Variants in PXN observed in about 807,000 individuals in gnomAD.
PXN encodes the protein paxillin, also known as testicular tissue protein Li 134.
In PXN, 61 loss-of-function variants were observed where a neutral mutation model predicts 103.6. That is an observed-to-expected ratio of 0.59 (90% CI 0.48 to 0.73). PXN has a LOEUF of 0.73. PXN is among the 30% of genes least tolerant of loss of function. The pLI, the probability that PXN is intolerant of heterozygous loss-of-function variation, is 0.00. For synonymous variants in PXN, 562 were observed against 607.8 expected (o/e 0.92, Z 1.11); for missense variants, 1,274 against 1,460.3 (o/e 0.87, Z 2.08).
chr12:120,258,432 G>C (rs550217679), intron 1 of PXN, among the ~76,000 whole-genome samples: 37 of 152,220 alleles, frequency 2.4e-4, no homozygotes, highest in African/African-American at 8.7e-4. Flanking sequence ...AGCAGTCACT[G>C]TCACCTGAGG....
At position 120,222,622 on chromosome 12, in the gene PXN, G is replaced by A. The variant is rs762252075; in HGVS notation, c.622C>T (p.Arg208Trp). The A allele has an allele frequency of 2.2e-5, 35 of 1,609,654 alleles. No individual in the cohort carries two copies. The South Asian group carries it at 2.9e-4, about 13-fold the overall frequency. The part of the protein sequence containing the change: ...TKEKPKRNGG[R>W]GLEDVRPSVE... ...CTGGGCCGCACGTCCTCCAGGCCCC[G>A]GCCCCCATTCCGCTTAGGCTTCTCT... is the stretch of plus-strand genomic sequence containing the variant. Residue 208 changes from arginine to tryptophan, a missense_variant, in exon 5 of 15, where the codon CGG becomes TGG. Arg to Trp is a moderately radical substitution (Grantham distance 101). Around this residue, in one of 2 missense-constraint regions of PXN, gnomAD observed 1,178 missense variants for 1,309.0 expected, o/e 0.90. Transcript: ENST00000637617. This position sits in a 1 kb window ranked among gnomAD's most constrained non-coding sequence, Gnocchi z 4.7.
rs749547410 is a variant in PXN, at chr12:120,212,542, C to T, written c.3018G>A (p.Glu1006=). The change falls in exon 15 of 15, where the codon GAG becomes GAA. Residue 1006 remains glutamate, a synonymous_variant. Transcript: ENST00000637617. This position sits in a 1 kb window ranked among gnomAD's most constrained non-coding sequence, Gnocchi z 7.2. ...FTPFVNGSFF[E]HDGQPYCEVH... ...CCTCACAGTAGGGCTGCCCGTCGTG[C>T]TCGAAGAAGCTGCCGTTCACGAATG... 40 of 1,613,310 alleles carry T rather than the reference C, an allele frequency of 2.5e-5. No individual in the cohort carries two copies. Among genetic ancestry groups the T allele is most frequent in the Admixed American group, 2.0e-4 (12 of 59,990 alleles).
chr12:120,263,795 C>A (rs1008521764), intron 1 of PXN, among the ~76,000 whole-genome samples: 2 of 152,156 alleles, frequency 1.3e-5, no homozygotes, highest in African/African-American at 4.8e-5. Context: ...GTTTCCTGGC[C>A]CTAAATGGAA....
At chr12:120,256,231 T>C (rs1259432532) in intron 1 of PXN, among the ~76,000 whole-genome samples, 2 of 151,780 alleles carry the variant, frequency 1.3e-5, no homozygotes, top group African/African-American at 4.8e-5. Flanking sequence ...AGAAACATAA[T>C]GAGACTCCGG....
intron 1 of PXN, among the ~76,000 whole-genome samples, chr12:120,233,348 C>G (rs1888426959): frequency 6.6e-6 from 1 of 152,122 alleles, no homozygotes; most frequent in South Asian, 2.1e-4. Flanking sequence ...GCTCTGTCAA[C>G]CAGGCTGGAG....
At chr12:120,246,903 CTGTAA>C (rs1891266056) in intron 1 of PXN, among the ~76,000 whole-genome samples, 1 of 151,530 alleles carries the variant, frequency 6.6e-6, no homozygotes. Flanking sequence ...TAGCATATGC[CTGTAA>C]TTCCAGCTAC....
chr12:120,224,453 T>G lies in PXN; in HGVS notation c.14-76A>C, dbSNP rs1426263242. The G allele has an allele frequency of 9.5e-7, 1 of 1,056,370 alleles. No individual in the cohort carries two copies. The highest frequency in any genetic ancestry group is 1.5e-6 in the Non-Finnish European group (1 of 675,608). The allele number at this position is 1,056,370 out of a possible 1,614,324, so 65.4% of individuals were successfully genotyped here. A position where few individuals can be genotyped will look rare whatever the true frequency, so the allele number is the denominator to read the frequency against. On this transcript the variant is annotated intron_variant, in intron 1 of 14. Coordinates refer to ENST00000637617, the MANE Select transcript of PXN (RefSeq NM_001385981.1). The surrounding 1 kb of genome is among the most constrained non-coding windows in gnomAD (Gnocchi z 5.0). ...CTCCCGTGGCAGGGCCCTCCCTGCC[T>G]GCACCTCAAGAGTTAATGCCTTCTA... is the stretch of plus-strand genomic sequence containing the variant.
intron 1 of PXN, among the ~76,000 whole-genome samples, chr12:120,232,245 T>A (rs79549992): frequency 6.6e-6 from 1 of 152,312 alleles, no homozygotes; most frequent in African/African-American, 2.4e-5. Context: ...GGTCTTGAAC[T>A]CCTGGCCTCA....
At chr12:120,251,135 G>A (rs921336087) in intron 1 of PXN, among the ~76,000 whole-genome samples, 2 of 152,064 alleles carry the variant, frequency 1.3e-5, no homozygotes, top group Non-Finnish European at 1.5e-5. Flanking sequence ...AACCCAGGAG[G>A]TGGAGGTTGC....
chr12:120,234,956 T>C (rs191648385), intron 1 of PXN, among the ~76,000 whole-genome samples: 1 of 152,230 alleles, frequency 6.6e-6, no homozygotes, highest in East Asian at 1.9e-4. Context: ...AACTCAGCCT[T>C]CTTGCTGAGC....
Position 120,224,985 on chromosome 12 carries a change from C to G in PXN, c.14-608G>C, listed in dbSNP as rs1886434465. On this transcript the variant is annotated intron_variant, in intron 1 of 14. Coordinates refer to ENST00000637617, the MANE Select transcript of PXN (RefSeq NM_001385981.1). This position sits in a 1 kb window ranked among gnomAD's most constrained non-coding sequence, Gnocchi z 5.0. ...CTGGAGTGAGGCTGGTGCAGCGGTCCCCACCCCCTCAGTGAGCAGGGGGCA... is the reference window on the plus strand; with the variant it reads ...CTGGAGTGAGGCTGGTGCAGCGGTCGCCACCCCCTCAGTGAGCAGGGGGCA... The G allele has an allele frequency of 8.8e-6, 3 of 339,268 alleles. No homozygotes were observed. Among genetic ancestry groups the G allele is most frequent in the South Asian group, 6.8e-5 (3 of 44,322 alleles). 21.0% of individuals were successfully genotyped at this position (339,268 alleles called of 1,614,324 possible). A position where few individuals can be genotyped will look rare whatever the true frequency, so the allele number is the denominator to read the frequency against.
Position 120,230,000 on chromosome 12 carries a change from C to T in PXN, c.14-5623G>A, listed in dbSNP as rs969815525. On this transcript the variant is annotated intron_variant, in intron 1 of 14. Coordinates refer to ENST00000637617, the MANE Select transcript of PXN (RefSeq NM_001385981.1). The surrounding 1 kb of genome is among the most constrained non-coding windows in gnomAD (Gnocchi z 4.0). ...GTCCTGTGGCCCTCAGGCAGCGCCC[C>T]ACCTTAGCACGCCTTGCATTCTCGA... 2.6e-5 allele frequency among the ~76,000 whole-genome samples: 4 copies of T among 152,210 alleles called. No individual in the cohort carries two copies.
At chr12:120,245,038 T>A (rs371949968) in intron 1 of PXN, among the ~76,000 whole-genome samples, 2 of 150,538 alleles carry the variant, frequency 1.3e-5, no homozygotes, top group East Asian at 2.0e-4. Flanking sequence ...TGGGAGGGAG[T>A]TGGGGCCTGG....
chr12:120,255,442 A>C (rs1892844636), intron 1 of PXN, among the ~76,000 whole-genome samples: 1 of 152,242 alleles, frequency 6.6e-6, no homozygotes, highest in Non-Finnish European at 1.5e-5. Context: ...TCACACCTGT[A>C]ATCCCAGCAC....
chr12:120,237,943 C>G (rs1178523532), intron 1 of PXN, among the ~76,000 whole-genome samples: 1 of 152,176 alleles, frequency 6.6e-6, no homozygotes, highest in African/African-American at 2.4e-5. Flanking sequence ...CAGGCCTGAC[C>G]CAACCCAGGG....
intron 1 of PXN, among the ~76,000 whole-genome samples, chr12:120,238,490 G>A (rs1003871593): frequency 1.3e-5 from 2 of 152,160 alleles, no homozygotes; most frequent in Non-Finnish European, 2.9e-5. Flanking sequence ...GATGGGGGAG[G>A]GGGTACACAC....
rs997913840 is a variant in PXN at position 120,217,361 on chromosome 12, TTCACCTC to T, written c.1717-252_1717-246del. 1.3e-5 allele frequency among the ~76,000 whole-genome samples: 2 copies of T among 152,090 alleles called. No homozygotes were observed. The highest frequency in any genetic ancestry group is 2.9e-5 in the Non-Finnish European group (2 of 68,012). On this transcript the variant is annotated intron_variant, in intron 7 of 14. Transcript: ENST00000637617. This position sits in a 1 kb window ranked among gnomAD's most constrained non-coding sequence, Gnocchi z 4.1. ...TGCGAGCGAGACCTCTGACCCAGCA[TTCACCTC>T]TAAGTTGGCCACTGACCTTGGGCAA...
chr12:120,219,306 C>T lies in PXN; in HGVS notation c.1617G>A (p.Thr539=), dbSNP rs753634418. The T allele has an allele frequency of 1.5e-5, 24 of 1,598,296 alleles. No homozygotes were observed. The highest frequency in any genetic ancestry group is 9.3e-5 in the African/African-American group (7 of 74,938). ...PETPRSPEGT[T]EAATQDGKEQ... ...CCTTCCCGTCCTGGGTGGCAGCTTC[C>T]GTGGTGCCCTCTGGGCTCCTTGGGG... The change falls in exon 7 of 15, where the codon ACG becomes ACA. Residue 539 remains threonine, a synonymous_variant. Coordinates refer to ENST00000637617, the MANE Select transcript of PXN (RefSeq NM_001385981.1). The surrounding 1 kb of genome is among the most constrained non-coding windows in gnomAD (Gnocchi z 6.5).
At chr12:120,233,779 T>C (rs1296060471) in intron 1 of PXN, among the ~76,000 whole-genome samples, 1 of 152,204 alleles carries the variant, frequency 6.6e-6, no homozygotes, top group Non-Finnish European at 1.5e-5. Flanking sequence ...CACTGCCTCC[T>C]TGGTCCCCCT....
Sources: gnomAD v4.1 joint callset for allele counts (sites outside exome capture counted in the v4.1 genomes callset) on GRCh38, gnomAD v4.1.1 for gene constraint, gnomAD v4.1.1 regional missense constraint, Gnocchi (gnomAD v3.1) non-coding constraint, MANE v1.5 for transcripts, NCBI Gene and HGNC (gene_info 2026-07-23, HGNC 2026-07-21) for gene names.